The following LYST variants were observed in gnomAD, a reference collection of about 807,000 sequenced individuals.
LYST encodes lysosomal-trafficking regulator.
A neutral mutation model predicts 413.6 loss-of-function variants in LYST; 192 were observed. The ratio of observed to expected loss-of-function variants is 0.46; its 90% CI spans 0.41 to 0.52. The LOEUF (loss-of-function observed/expected upper bound fraction) is 0.52, where lower values mean the gene tolerates loss of function less well. LYST is among the 20% of genes least tolerant of loss of function. The pLI is 0.00. For synonymous variants in LYST, 1,525 were observed against 1,567.3 expected (o/e 0.97, Z 0.64); for missense variants, 3,815 against 4,499.9 (o/e 0.85, Z 4.35).
chr1:235,778,240 CTGGCCCATAATGTACTTTAAGG>C (rs944655035), intron 16 of LYST, among the ~76,000 whole-genome samples: 1 of 151,356 alleles, frequency 6.6e-6, no homozygotes, highest in Non-Finnish European at 1.5e-5. Context: ...ATCTTGGTGT[CTGGCCCATAATGTACTTTAAGG>C]TGGTTTTAAT....
At chr1:235,801,667 T>C (rs1672243607) in intron 8 of LYST, among the ~76,000 whole-genome samples, 1 of 152,212 alleles carries the variant, frequency 6.6e-6, no homozygotes. Flanking sequence ...ATCAGAATTC[T>C]TTAAGTTGAG....
At chr1:235,841,623 G>A (rs886100352) in intron 1 of LYST, among the ~76,000 whole-genome samples, 7 of 152,150 alleles carry the variant, frequency 4.6e-5, no homozygotes, top group African/African-American at 1.2e-4. Context: ...GCAAGAGAAC[G>A]AATGAATGAA....
chr1:235,701,890 G>C (rs1661581324), intron 45 of LYST, among the ~76,000 whole-genome samples: 1 of 152,130 alleles, frequency 6.6e-6, no homozygotes, highest in African/African-American at 2.4e-5. Flanking sequence ...AGCTATGAGC[G>C]CAAATAATTT....
chr1:235,838,879 A>G (rs1250661776), intron 1 of LYST, among the ~76,000 whole-genome samples: 2 of 151,992 alleles, frequency 1.3e-5, no homozygotes, highest in African/African-American at 4.8e-5. Context: ...AAGAAATTTC[A>G]TTTGTTCTCT....
chr1:235,856,940 A>ATTT lies in LYST; in HGVS notation c.-98+9900_-98+9902dup, dbSNP rs59484092. Among the ~76,000 whole-genome samples the ATTT allele has an allele frequency of 7.4e-5, 9 of 121,764 alleles. No individual in the cohort carries two copies. The South Asian group carries it at 1.0e-3, about 14-fold the overall frequency. 79.9% of individuals were successfully genotyped at this position (121,764 alleles called of 152,430 possible). A position where few individuals can be genotyped will look rare whatever the true frequency, so the allele number is the denominator to read the frequency against. The stretch of plus-strand genomic sequence containing the variant: ...CTTACAAGTTACACAGGATATACTG[A>ATTT]TTTTTTTTTTTTTTTTTTTTTTGAG... On this transcript the variant is annotated intron_variant, in intron 1 of 52. Transcript: ENST00000389793.
At chr1:235,817,086 AAGAC>A (rs1377839179) in intron 3 of LYST, among the ~76,000 whole-genome samples, 1 of 152,226 alleles carries the variant, frequency 6.6e-6, no homozygotes, top group Non-Finnish European at 1.5e-5. Flanking sequence ...TTTTCAAAAG[AAGAC>A]ATACATGCGC....
At chr1:235,718,472 A>G (rs1663048450) in intron 40 of LYST, among the ~76,000 whole-genome samples, 1 of 150,986 alleles carries the variant, frequency 6.6e-6, no homozygotes, top group African/African-American at 2.4e-5. Flanking sequence ...CTTCCTGAGT[A>G]GTTGGTCTCG....
At chr1:235,765,007 T>G (rs893722803) in intron 21 of LYST, among the ~76,000 whole-genome samples, 1 of 152,178 alleles carries the variant, frequency 6.6e-6, no homozygotes, top group African/African-American at 2.4e-5. Context: ...TACCAGCAGT[T>G]CTTTCCTTAG....
intron 29 of LYST, among the ~76,000 whole-genome samples, chr1:235,745,757 A>G (rs898857951): frequency 1.3e-5 from 2 of 152,210 alleles, no homozygotes; most frequent in Non-Finnish European, 2.9e-5. Flanking sequence ...TCTCCAGAGT[A>G]TTACACTGAG....
At chr1:235,818,465 G>A (rs778205060) in intron 3 of LYST, among the ~76,000 whole-genome samples, 2 of 152,070 alleles carry the variant, frequency 1.3e-5, no homozygotes, top group Non-Finnish European at 2.9e-5. Context: ...TTCACTGCAT[G>A]AATGACTTTA....
At chr1:235,702,623 G>T in intron 45 of LYST, 124 bp downstream of exon 45, 1 of 810,564 alleles carries the variant, frequency 1.2e-6, no homozygotes, top group Non-Finnish European at 2.1e-6. Context: ...TGCTGCACCT[G>T]TCTTGCACTG....
chr1:235,748,235 G>T (rs1666114099), intron 28 of LYST, among the ~76,000 whole-genome samples: 1 of 152,118 alleles, frequency 6.6e-6, no homozygotes, highest in African/African-American at 2.4e-5. Flanking sequence ...TTAAATATAT[G>T]TCTAGCATTC....
Position 235,765,186 on chromosome 1 carries a change from G to A in LYST, c.6121+893C>T, listed in dbSNP as rs12069122. On this transcript the variant is annotated intron_variant, in intron 21 of 52. Coordinates refer to ENST00000389793, the MANE Select transcript of LYST (RefSeq NM_000081.4). Reference sequence around the variant, plus strand: ...AAATTATATTATAAATAACTGCAGGGCACCTCAAATACAACATATATTATA... The same window carrying A: ...AAATTATATTATAAATAACTGCAGGACACCTCAAATACAACATATATTATA... Among the ~76,000 whole-genome samples the A allele has an allele frequency of 7.7e-3, 1,176 of 152,122 alleles. 14 individuals carry two copies. The highest frequency in any genetic ancestry group is 0.027 in the African/African-American group (1,118 of 41,502).
intron 22 of LYST, 39 bp from the exon 23 acceptor site, chr1:235,759,638 A>T: frequency 2.1e-6 from 3 of 1,441,088 alleles, no homozygotes; most frequent in Non-Finnish European, 2.9e-6. Flanking sequence ...TTAAAAATCT[A>T]TTAAGTGGAA....
At chr1:235,685,195 C>T (rs1660115595) in intron 48 of LYST, among the ~76,000 whole-genome samples, 1 of 152,164 alleles carries the variant, frequency 6.6e-6, no homozygotes, top group Non-Finnish European at 1.5e-5. Context: ...TTAACAGGCT[C>T]CCTGATGTCT....
chr1:235,737,916 A>ACAACCTGC, intron 31 of LYST: 15 of 1,163,406 alleles, frequency 1.3e-5, no homozygotes, highest in Admixed American at 8.8e-5. Flanking sequence ...GCTGCCGACG[A>ACAACCTGC]GTCTGGATCT....
chr1:235,853,971 A>C (rs1159389641), intron 1 of LYST, among the ~76,000 whole-genome samples: 1 of 152,122 alleles, frequency 6.6e-6, no homozygotes, highest in Non-Finnish European at 1.5e-5. Flanking sequence ...AGCTATAGAG[A>C]GAGAGACGGC....
chr1:235,744,803 G>A (rs1447036918), intron 29 of LYST, among the ~76,000 whole-genome samples: 1 of 151,328 alleles, frequency 6.6e-6, no homozygotes, highest in Non-Finnish European at 1.5e-5. Context: ...AGGAGGCTGA[G>A]ATGGGAGGAT....
At chr1:235,824,511 A>G (rs915017002) in intron 3 of LYST, among the ~76,000 whole-genome samples, 1 of 152,194 alleles carries the variant, frequency 6.6e-6, no homozygotes, top group African/African-American at 2.4e-5. Context: ...TTAAGTGACT[A>G]AAGTCACTCA....
Sources: gnomAD v4.1 joint callset for allele counts (sites outside exome capture counted in the v4.1 genomes callset) on GRCh38, gnomAD v4.1.1 for gene constraint, MANE v1.5 for transcripts, NCBI Gene and HGNC (gene_info 2026-07-23, HGNC 2026-07-21) for gene names.